PCOLCE2: variants seen among roughly 807,000 people sequenced by gnomAD.
PCOLCE2 encodes the protein procollagen C-endopeptidase enhancer 2, also known as procollagen C-proteinase enhancer 2.
A neutral mutation model predicts 47.0 loss-of-function variants in PCOLCE2; 42 were observed. The ratio of observed to expected loss-of-function variants is 0.89; its 90% CI spans 0.70 to 1.16. The LOEUF (loss-of-function observed/expected upper bound fraction) is 1.16, where lower values mean the gene tolerates loss of function less well. PCOLCE2 is among the 50% of genes most tolerant of loss of function. PCOLCE2 has a pLI of 0.00. For missense variants in PCOLCE2, 500 were observed against 526.1 expected, an observed-to-expected ratio of 0.95 and a Z score of 0.49; for synonymous variants, 169 against 191.7, an observed-to-expected ratio of 0.88 and a Z score of 0.98.
intron 2 of PCOLCE2, among the ~76,000 whole-genome samples, chr3:142,854,313 G>A (rs111307197): frequency 2.6e-5 from 4 of 151,228 alleles, no homozygotes; most frequent in East Asian, 3.9e-4. Context: ...GTTGATCTAC[G>A]TAAAGCTCGA....
rs41265487 is a variant in PCOLCE2 at position 142,829,798 on chromosome 3, G to A, written c.759C>T (p.Asp253=). The A allele has an allele frequency of 5.8e-3, 9,319 of 1,604,560 alleles. 34 individuals carry two copies. Among genetic ancestry groups the A allele is most frequent in the Non-Finnish European group, 7.2e-3 (8,469 of 1,173,604 alleles). Residue 253 remains aspartate, a synonymous_variant, in exon 6 of 9, where the codon GAC becomes GAT. Transcript: ENST00000295992. The stretch of plus-strand genomic sequence containing the variant: ...TAAACCCATCTGCAGTTAAACTTAA[G>A]TCTGATAAAAACTGAATAAGAAGTT... ...RNELLIQFLS[D]LSLTADGFIG...
At chr3:142,828,062 C>T (rs1269759243) in intron 6 of PCOLCE2, among the ~76,000 whole-genome samples, 2 of 152,200 alleles carry the variant, frequency 1.3e-5, no homozygotes, top group South Asian at 2.1e-4. Flanking sequence ...TGGACCAGCA[C>T]GAGACTCTGG....
chr3:142,833,055 T>G (rs1937168218), intron 5 of PCOLCE2, among the ~76,000 whole-genome samples: 1 of 152,158 alleles, frequency 6.6e-6, no homozygotes, highest in African/African-American at 2.4e-5. Flanking sequence ...TACCCTGAAT[T>G]TTGTGCTTAT....
chr3:142,818,394 T>C lies in PCOLCE2; in HGVS notation c.1189A>G (p.Met397Val), dbSNP rs1212357912. Residue 397 changes from methionine (M) to valine (V), a missense_variant, in exon 9 of 9, where the codon ATG becomes GTG. Physicochemically the swap from Met to Val is conservative, Grantham distance 21. Coordinates refer to ENST00000295992, the MANE Select transcript of PCOLCE2 (RefSeq NM_013363.4). The part of the protein sequence containing the change: ...RGKIMPNSFI[M>V]MFKTKNQKLL... ...TTCTGATTCTTGGTCTTGAACATCA[T>C]GATAAAGCTGTTTGGCATGATTTTG... 1.2e-6 allele frequency: 2 copies of C among 1,613,550 alleles called. No individual in the cohort carries two copies. Among genetic ancestry groups the C allele is most frequent in the Non-Finnish European group, 1.7e-6 (2 of 1,179,520 alleles).
chr3:142,857,214 G>A (rs892734212), intron 2 of PCOLCE2, among the ~76,000 whole-genome samples: 1 of 152,220 alleles, frequency 6.6e-6, no homozygotes, highest in African/African-American at 2.4e-5. Context: ...GCTGCGAGGA[G>A]CAGCAGCAGC....
chr3:142,818,093 C>A lies in PCOLCE2; in HGVS notation c.*242G>T. The A allele has an allele frequency of 2.6e-6, 1 of 381,460 alleles. No homozygotes were observed. The highest frequency in any genetic ancestry group is 4.8e-6 in the Non-Finnish European group (1 of 209,994). 23.6% of individuals were successfully genotyped at this position (381,460 alleles called of 1,614,324 possible). On this transcript the variant is annotated 3_prime_UTR_variant, in exon 9 of 9. Coordinates refer to ENST00000295992, the MANE Select transcript of PCOLCE2 (RefSeq NM_013363.4). The stretch of plus-strand genomic sequence containing the variant: ...GTCAACGCTTGACACTTTTAGCTTC[C>A]TATCACCGCACTAAGTCGGCAGGTT...
chr3:142,881,392 C>T (rs1488374264), intron 2 of PCOLCE2, among the ~76,000 whole-genome samples: 1 of 152,102 alleles, frequency 6.6e-6, no homozygotes, highest in Non-Finnish European at 1.5e-5. Flanking sequence ...TGAAGGTATA[C>T]CAAAAACTAT....
In PCOLCE2 at chr3:142,847,018, A is replaced by G. The variant is rs148230870; in HGVS notation, c.448+1199T>C. Among the ~76,000 whole-genome samples, 587 of 152,342 alleles carry G rather than the reference A, an allele frequency of 3.9e-3. 3 individuals are homozygous for G. Among genetic ancestry groups the G allele is most frequent in the African/African-American group, 0.013 (529 of 41,576 alleles). On this transcript the variant is annotated intron_variant, in intron 3 of 8. Coordinates refer to ENST00000295992, the MANE Select transcript of PCOLCE2 (RefSeq NM_013363.4). ...GGACACACTTTTCCTGTTTCATTAC[A>G]TAACTACAGACTGGACATTATGCAT...
intron 2 of PCOLCE2, among the ~76,000 whole-genome samples, chr3:142,883,024 C>T (rs1418336426): frequency 6.6e-6 from 1 of 151,668 alleles, no homozygotes; most frequent in Non-Finnish European, 1.5e-5. Flanking sequence ...GATGGTGAAA[C>T]CCCATCTCTA....
At position 142,837,576 on chromosome 3, in the gene PCOLCE2, GA is replaced by G. The variant is rs202167214; in HGVS notation, c.710+1193del. Among the ~76,000 whole-genome samples, 191 of 152,308 alleles carry G rather than the reference GA, an allele frequency of 1.3e-3. 1 individual carries two copies. The East Asian group carries it at 0.034, about 27-fold the overall frequency. ...CTAATTACGTTTAAGCAACAGAGTA[GA>G]AAAGGGTATTTAAATTGGCATAATG... On this transcript the variant is annotated intron_variant, in intron 5 of 8. Transcript: ENST00000295992.
chr3:142,848,113 T>C, intron 3 of PCOLCE2, 104 bp downstream of exon 3: 9 of 1,200,610 alleles, frequency 7.5e-6, no homozygotes, highest in Non-Finnish European at 1.1e-5. Flanking sequence ...ATTCACTAGC[T>C]CTTTGAGAAC....
intron 2 of PCOLCE2, among the ~76,000 whole-genome samples, chr3:142,859,986 C>T (rs1475229559): frequency 1.3e-5 from 2 of 152,180 alleles, no homozygotes; most frequent in African/African-American, 2.4e-5. Flanking sequence ...GAGTAAAAGA[C>T]AGGCTTTACA....
At chr3:142,878,212 T>C (rs1360462269) in intron 2 of PCOLCE2, among the ~76,000 whole-genome samples, 4 of 152,140 alleles carry the variant, frequency 2.6e-5, no homozygotes, top group African/African-American at 9.7e-5. Flanking sequence ...AGAGAGGTGA[T>C]ATTTAGTGGC....
rs1937278398 is a variant in PCOLCE2, at chr3:142,842,782, C to T, written c.573+142G>A. ...TCTGGGGTCTTCGCATGAAGAAATACCTGTGTCCAGGAACCTTCCTCTTCT... is the reference window on the plus strand; with the variant it reads ...TCTGGGGTCTTCGCATGAAGAAATATCTGTGTCCAGGAACCTTCCTCTTCT... On this transcript the variant is annotated intron_variant, in intron 4 of 8. Coordinates refer to ENST00000295992, the MANE Select transcript of PCOLCE2 (RefSeq NM_013363.4). This position sits in a 1 kb window ranked among gnomAD's most constrained non-coding sequence, Gnocchi z 4.1. The T allele has an allele frequency of 2.7e-6, 2 of 746,584 alleles. No homozygotes were observed. The highest frequency in any genetic ancestry group is 2.6e-5 in the Admixed American group (1 of 38,230). The allele number at this position is 746,584 out of a possible 1,614,324, so 46.2% of individuals were successfully genotyped here.
chr3:142,888,998 C>A lies in PCOLCE2; in HGVS notation c.-102G>T. 1.9e-6 allele frequency: 1 copy of A among 524,372 alleles called. No individual in the cohort carries two copies. The allele number at this position is 524,372 out of a possible 1,614,324, so 32.5% of individuals were successfully genotyped here. A position where few individuals can be genotyped will look rare whatever the true frequency, so the allele number is the denominator to read the frequency against. ...ACACCGCCGCTCACACTGGCAGCAG[C>A]GCTGGCTCACACCGGCGCTCGGCTG... On this transcript the variant is annotated 5_prime_UTR_variant, in exon 1 of 9. Coordinates refer to ENST00000295992, the MANE Select transcript of PCOLCE2 (RefSeq NM_013363.4).
intron 3 of PCOLCE2, 55 bp downstream of exon 3, chr3:142,848,162 C>A: frequency 6.4e-7 from 1 of 1,567,604 alleles, no homozygotes; most frequent in Non-Finnish European, 8.7e-7. Context: ...ACATCAAGTG[C>A]CAAGAACAGT....
chr3:142,869,001 A>G (rs1478015762), intron 2 of PCOLCE2, among the ~76,000 whole-genome samples: 1 of 151,226 alleles, frequency 6.6e-6, no homozygotes, highest in Non-Finnish European at 1.5e-5. Flanking sequence ...ATATTAAAAC[A>G]GAGACCTTGG....
In PCOLCE2 at chr3:142,818,386, G is replaced by C. The variant is rs1936974285; in HGVS notation, c.1197C>G (p.Phe399Leu). 1 of 1,612,984 alleles carries C rather than the reference G, an allele frequency of 6.2e-7. No individual in the cohort carries two copies. Among genetic ancestry groups the C allele is most frequent in the Non-Finnish European group, 8.5e-7 (1 of 1,179,252 alleles). The change falls in exon 9 of 9, where the codon TTC becomes TTG. Residue 399 changes from phenylalanine (F) to leucine (L), a missense_variant. Physicochemically the swap from Phe to Leu is conservative, Grantham distance 22 (BLOSUM62 0). Coordinates refer to ENST00000295992, the MANE Select transcript of PCOLCE2 (RefSeq NM_013363.4). ...CCAGGAGCTTCTGATTCTTGGTCTT[G>C]AACATCATGATAAAGCTGTTTGGCA... ...KIMPNSFIMM[F>L]KTKNQKLLDA...
intron 2 of PCOLCE2, among the ~76,000 whole-genome samples, chr3:142,871,433 T>G (rs556572817): frequency 2.3e-4 from 35 of 152,352 alleles, no homozygotes; most frequent in African/African-American, 8.2e-4. Flanking sequence ...GCTGTGGCTC[T>G]TAGATGGTTT....
Sources: allele counts gnomAD v4.1 joint callset (sites outside exome capture counted in the v4.1 genomes callset), GRCh38; gene constraint gnomAD v4.1.1; non-coding constraint Gnocchi (gnomAD v3.1); transcripts MANE v1.5; gene names NCBI Gene and HGNC (gene_info 2026-07-23, HGNC 2026-07-21).